Variants in CMSS1 observed in about 807,000 individuals in gnomAD.
CMSS1 encodes protein CMSS1.
Under a neutral mutation model 43.5 loss-of-function variants are expected in CMSS1, and 33 were observed. The ratio of observed to expected loss-of-function variants is 0.76; its 90% confidence interval spans 0.57 to 1.01. The LOEUF (loss-of-function observed/expected upper bound fraction) is 1.01, where lower values mean the gene tolerates loss of function less well. CMSS1 is among the 50% of genes least tolerant of loss of function. CMSS1 has a pLI of 0.00. For missense variants in CMSS1, 313 were observed against 326.4 expected, an observed-to-expected ratio of 0.96 and a Z score of 0.32; for synonymous variants, 115 against 117.2, an observed-to-expected ratio of 0.98 and a Z score of 0.12.
chr3:100,072,431 G>C (rs2065778506), intron 1 of CMSS1, among the ~76,000 whole-genome samples: 1 of 152,132 alleles, frequency 6.6e-6, no homozygotes, highest in African/African-American at 2.4e-5. Flanking sequence ...TGACTTCCTG[G>C]ATTCCCCCCT....
intron 1 of CMSS1, among the ~76,000 whole-genome samples, chr3:100,119,679 A>G (rs2066604109): frequency 6.6e-6 from 1 of 152,252 alleles, no homozygotes. Flanking sequence ...ACTTCAGAAC[A>G]GCATCTCACT....
chr3:99,820,200 C>CT lies in CMSS1; in HGVS notation c.64+2170dup, dbSNP rs1185435079. Reference sequence around the variant, plus strand: ...ATTCCTTCTAGCCATAAGACTAACCCTTTTTTTTTTTTTGAGACGAAGTCT... The same window carrying CT: ...ATTCCTTCTAGCCATAAGACTAACCCTTTTTTTTTTTTTTGAGACGAAGTCT... On this transcript the variant is annotated intron_variant, in intron 1 of 9. Coordinates refer to ENST00000421999, the MANE Select transcript of CMSS1 (RefSeq NM_032359.4). Among the ~76,000 whole-genome samples the CT allele has an allele frequency of 3.4e-3, 486 of 144,488 alleles. 1 individual carries two copies. The highest frequency in any genetic ancestry group is 8.9e-3 in the African/African-American group (352 of 39,630). 94.8% of individuals were successfully genotyped at this position (144,488 alleles called of 152,430 possible). A position where few individuals can be genotyped will look rare whatever the true frequency, so the allele number is the denominator to read the frequency against.
At chr3:100,102,532 A>T (rs1272502112) in intron 1 of CMSS1, among the ~76,000 whole-genome samples, 1 of 152,122 alleles carries the variant, frequency 6.6e-6, no homozygotes, top group East Asian at 1.9e-4. Flanking sequence ...TTTTATCTGT[A>T]CGTCTCTTGT....
chr3:99,829,585 G>A (rs1942609056), intron 1 of CMSS1, among the ~76,000 whole-genome samples: 2 of 152,222 alleles, frequency 1.3e-5, no homozygotes, highest in South Asian at 4.1e-4. Context: ...GTTGTCACAT[G>A]AATGAAAATC....
At chr3:100,084,464 T>G (rs1422191145) in intron 1 of CMSS1, among the ~76,000 whole-genome samples, 1 of 152,160 alleles carries the variant, frequency 6.6e-6, no homozygotes, top group Non-Finnish European at 1.5e-5. Flanking sequence ...ATAGAAAAAC[T>G]CAAAGAAAAT....
At chr3:100,011,409 A>T (rs903922140) in intron 1 of CMSS1, among the ~76,000 whole-genome samples, 3 of 152,126 alleles carry the variant, frequency 2.0e-5, no homozygotes, top group Non-Finnish European at 4.4e-5. Flanking sequence ...TTAGAGACTA[A>T]CTTAATAAAA....
At chr3:99,819,221 ACT>A (rs562232301) in intron 1 of CMSS1, among the ~76,000 whole-genome samples, 234 of 152,104 alleles carry the variant, frequency 1.5e-3, no homozygotes, top group African/African-American at 5.3e-3. Context: ...AAACTTCCTG[ACT>A]CTTTTGCAGC....
intron 1 of CMSS1, among the ~76,000 whole-genome samples, chr3:99,883,027 A>G (rs978559136): frequency 1.4e-5 from 2 of 138,922 alleles, no homozygotes; most frequent in African/African-American, 2.5e-5. Flanking sequence ...TCTGTACATG[A>G]GAAATTCTAT....
At position 99,981,084 on chromosome 3, in the gene CMSS1, C is replaced by G. The variant is rs570762722; in HGVS notation, c.64+163041C>G. Among the ~76,000 whole-genome samples the G allele has an allele frequency of 1.2e-4, 19 of 152,278 alleles. No individual in the cohort carries two copies. In the South Asian group the frequency reaches 3.9e-3, roughly 32 times the overall value. ...CAAAGGTTTTAGAAACAAAGGACCTCTCACATTTGTGTGGGATTACATACT... is the reference window on the plus strand; with the variant it reads ...CAAAGGTTTTAGAAACAAAGGACCTGTCACATTTGTGTGGGATTACATACT... On this transcript the variant is annotated intron_variant, in intron 1 of 9. Transcript: ENST00000421999.
intron 1 of CMSS1, among the ~76,000 whole-genome samples, chr3:100,083,542 G>A (rs964058238): frequency 1.3e-5 from 2 of 152,166 alleles, no homozygotes; most frequent in South Asian, 2.1e-4. Flanking sequence ...ACATTTTCCC[G>A]TCTTGTCTCT....
At chr3:99,848,072 T>C (rs1943448076) in intron 1 of CMSS1, 4 of 1,318,598 alleles carry the variant, frequency 3.0e-6, no homozygotes, top group Non-Finnish European at 3.9e-6. Flanking sequence ...CATACAAGTA[T>C]GTAAATGAAA....
rs141270906 is a variant in CMSS1 at position 100,101,528 on chromosome 3, G to C, written c.65-45445G>C. Among the ~76,000 whole-genome samples the C allele has an allele frequency of 4.6e-3, 693 of 152,208 alleles. 7 individuals carry two copies. The highest frequency in any genetic ancestry group is 0.016 in the African/African-American group (678 of 41,534). ...GTGAAGTACTTCCATTGGAATTCTTGATTGTGGTGGAAATAAATATACCCT... is the reference window on the plus strand; with the variant it reads ...GTGAAGTACTTCCATTGGAATTCTTCATTGTGGTGGAAATAAATATACCCT... On this transcript the variant is annotated intron_variant, in intron 1 of 9. Transcript: ENST00000421999.
intron 2 of CMSS1, among the ~76,000 whole-genome samples, chr3:100,150,303 T>G (rs1178169546): frequency 6.6e-6 from 1 of 152,182 alleles, no homozygotes; most frequent in East Asian, 1.9e-4. Context: ...TATGACCAGA[T>G]GTATGTTTTC....
intron 1 of CMSS1, chr3:99,851,206 T>G: frequency 1.5e-6 from 1 of 657,464 alleles, no homozygotes. Flanking sequence ...GCAAAAGAGT[T>G]CCTGAATTTG....
At chr3:99,889,456 C>T (rs1706014837) in intron 1 of CMSS1, among the ~76,000 whole-genome samples, 1 of 151,980 alleles carries the variant, frequency 6.6e-6, no homozygotes, top group Admixed American at 6.6e-5. Flanking sequence ...CTTTACCATA[C>T]CCTTATGTTC....
At chr3:100,176,246 A>T in intron 8 of CMSS1, 81 bp from the exon 9 acceptor site, 1 of 978,092 alleles carries the variant, frequency 1.0e-6, no homozygotes, top group South Asian at 1.4e-5. Flanking sequence ...GACAAAAAGT[A>T]ACCCGGAGAA....
At chr3:99,831,695 A>G (rs1206999059) in intron 1 of CMSS1, among the ~76,000 whole-genome samples, 5 of 152,226 alleles carry the variant, frequency 3.3e-5, no homozygotes, top group African/African-American at 1.2e-4. Context: ...TTAGTGTTCA[A>G]AAATCTATGT....
intron 1 of CMSS1, among the ~76,000 whole-genome samples, chr3:100,057,653 G>A (rs2065488193): frequency 1.3e-5 from 2 of 152,202 alleles, no homozygotes; most frequent in Admixed American, 1.3e-4. Context: ...TTTGGGATCA[G>A]GCCCCATATG....
chr3:100,158,997 G>A (rs77660184), intron 2 of CMSS1, among the ~76,000 whole-genome samples: 3,899 of 152,202 alleles, frequency 0.026, 72 homozygotes, highest in Non-Finnish European at 0.042. Context: ...ATCATATCCC[G>A]GCCTTTGCCT....
Sources: allele counts gnomAD v4.1 joint callset (sites outside exome capture counted in the v4.1 genomes callset), GRCh38; gene constraint gnomAD v4.1.1; transcripts MANE v1.5; gene names NCBI Gene and HGNC (gene_info 2026-07-23, HGNC 2026-07-21).